The following TNRC6B variants were observed in gnomAD, a reference collection of about 807,000 sequenced individuals.
TNRC6B encodes the protein trinucleotide repeat-containing gene 6B protein.
TNRC6B carries 52 observed loss-of-function variants against 203.6 expected under a neutral mutation model. That is an observed-to-expected ratio of 0.26 (90% CI 0.20 to 0.32). The LOEUF (loss-of-function observed/expected upper bound fraction) is 0.32, where lower values mean the gene tolerates loss of function less well. Among genes scored for constraint, TNRC6B ranks in the 10% least tolerant of loss-of-function variants. The pLI, the probability that TNRC6B is intolerant of heterozygous loss-of-function variation, is 1.00. For synonymous variants in TNRC6B, 838 were observed against 845.7 expected (o/e 0.99, Z 0.16); for missense variants, 1,923 against 2,286.2 (o/e 0.84, Z 3.24).
intron 3 of TNRC6B, among the ~76,000 whole-genome samples, chr22:40,126,834 A>G (rs2068498298): frequency 6.7e-6 from 1 of 150,230 alleles, no homozygotes; most frequent in Non-Finnish European, 1.5e-5. Flanking sequence ...CAAGCACTCC[A>G]CCCACCTAGG....
chr22:40,175,348 C>A (rs2069045401), upstream of TNRC6B, among the ~76,000 whole-genome samples: 1 of 151,992 alleles, frequency 6.6e-6, no homozygotes, highest in Admixed American at 6.6e-5. Flanking sequence ...CAGAGCAAGA[C>A]TCTGTCTCAA....
chr22:40,078,483 C>T (rs1225141879), intron 1 of TNRC6B, among the ~76,000 whole-genome samples: 1 of 152,080 alleles, frequency 6.6e-6, no homozygotes, highest in African/African-American at 2.4e-5. Context: ...CTGATTGTTC[C>T]ATTGCACTCC....
chr22:40,247,534 A>G (rs1040146241), intron 2 of TNRC6B, among the ~76,000 whole-genome samples: 1 of 152,248 alleles, frequency 6.6e-6, no homozygotes, highest in Non-Finnish European at 1.5e-5. Flanking sequence ...TGTTAAATAT[A>G]TGAAATGTAA....
chr22:40,129,487 G>A (rs1348733909), intron 3 of TNRC6B, among the ~76,000 whole-genome samples: 1 of 152,102 alleles, frequency 6.6e-6, no homozygotes, highest in Non-Finnish European at 1.5e-5. Flanking sequence ...GTATTTTGGC[G>A]CCAAAACTGA....
At chr22:40,257,919 C>A (rs547509315) in intron 3 of TNRC6B, among the ~76,000 whole-genome samples, 26 of 152,020 alleles carry the variant, frequency 1.7e-4, no homozygotes, top group African/African-American at 5.1e-4. Context: ...GAGGCTGAGG[C>A]AGGAGAATCA....
At chr22:40,116,544 C>T (rs757406377) in intron 1 of TNRC6B, among the ~76,000 whole-genome samples, 81 of 152,038 alleles carry the variant, frequency 5.3e-4, no homozygotes, top group Non-Finnish European at 9.0e-4. Context: ...TGGGGAGGAG[C>T]AAGAGTAGGA....
chr22:40,098,559 T>A (rs2068206000), intron 1 of TNRC6B, among the ~76,000 whole-genome samples: 1 of 152,174 alleles, frequency 6.6e-6, no homozygotes, highest in African/African-American at 2.4e-5. Context: ...ATCAAAATTG[T>A]TCTAAGTCAT....
chr22:40,226,066 T>C (rs898545741), intron 1 of TNRC6B, among the ~76,000 whole-genome samples: 1 of 152,244 alleles, frequency 6.6e-6, no homozygotes, highest in African/African-American at 2.4e-5. Flanking sequence ...AATTGGGTCA[T>C]GTAAGTTCAC....
intron 2 of TNRC6B, among the ~76,000 whole-genome samples, chr22:40,122,703 A>G (rs1223281308): frequency 6.6e-6 from 1 of 152,220 alleles, no homozygotes; most frequent in African/African-American, 2.4e-5. Flanking sequence ...CAGCATGTCC[A>G]AAGGGAAATG....
intron 1 of TNRC6B, among the ~76,000 whole-genome samples, chr22:40,096,447 T>C (rs1449856933): frequency 6.6e-6 from 1 of 152,204 alleles, no homozygotes; most frequent in Non-Finnish European, 1.5e-5. Context: ...AAACTTGCAC[T>C]AGCATACAGG....
intron 1 of TNRC6B, among the ~76,000 whole-genome samples, chr22:40,060,373 T>G (rs1448082521): frequency 6.6e-6 from 1 of 152,120 alleles, no homozygotes; most frequent in Non-Finnish European, 1.5e-5. Flanking sequence ...GCGACAGGGT[T>G]TCGCCATGTT....
chr22:40,160,629 G>A (rs753573671), intron 4 of TNRC6B, among the ~76,000 whole-genome samples: 2 of 152,078 alleles, frequency 1.3e-5, no homozygotes, highest in Non-Finnish European at 2.9e-5. Context: ...TACCTGCAGC[G>A]AGGTAAGTCA....
intron 12 of TNRC6B, among the ~76,000 whole-genome samples, chr22:40,291,344 C>T (rs532205529): frequency 5.3e-5 from 8 of 151,938 alleles, no homozygotes; most frequent in South Asian, 4.2e-4. Flanking sequence ...ATGGTGACAC[C>T]GCTGCAATCC....
intron 1 of TNRC6B, among the ~76,000 whole-genome samples, chr22:40,084,675 G>T (rs962373650): frequency 1.3e-5 from 2 of 152,158 alleles, no homozygotes; most frequent in African/African-American, 2.4e-5. Flanking sequence ...TGAGGGAGCA[G>T]TTAATATAAA....
intron 1 of TNRC6B, among the ~76,000 whole-genome samples, chr22:40,239,567 A>C (rs1231987998): frequency 6.6e-6 from 1 of 152,158 alleles, no homozygotes; most frequent in Non-Finnish European, 1.5e-5. Flanking sequence ...GGCATTAAAG[A>C]GGATGGTTTT....
intron 1 of TNRC6B, among the ~76,000 whole-genome samples, chr22:40,194,260 G>A (rs757015346): frequency 3.9e-5 from 6 of 152,224 alleles, no homozygotes; most frequent in Non-Finnish European, 8.8e-5. Flanking sequence ...CCCGGGCAGA[G>A]CATTCCTGTG....
At chr22:40,175,296 C>G (rs1479899483), upstream of TNRC6B, among the ~76,000 whole-genome samples, 1 of 151,608 alleles carries the variant, frequency 6.6e-6, no homozygotes, top group East Asian at 1.9e-4. Flanking sequence ...GGTGGAGGTT[C>G]CTGTGAGCCG....
At position 40,299,227 on chromosome 22, in the gene TNRC6B, C is replaced by T. The variant is rs191200912; in HGVS notation, c.3709-1228C>T. 2.0e-5 allele frequency among the ~76,000 whole-genome samples: 3 copies of T among 149,032 alleles called. No individual in the cohort carries two copies. The East Asian group carries it at 5.9e-4, about 29-fold the overall frequency. On this transcript the variant is annotated intron_variant, in intron 12 of 22. Transcript: ENST00000454349. ...GATTACAAACCCAGGCAGTCTGCCT[C>T]TAGAACTAAAGTCTTTTTTTTTTTT...
Position 40,296,300 on chromosome 22 carries a change from C to T in TNRC6B, c.3709-4155C>T, listed in dbSNP as rs2070939166. ...GAAATGGGAAAGAAGCACCCCTCCA[C>T]TATAAGAAATTGAGGAGAATGGTGA... is the stretch of plus-strand genomic sequence containing the variant. On this transcript the variant is annotated intron_variant, in intron 12 of 22. Coordinates refer to ENST00000454349, the MANE Select transcript of TNRC6B (RefSeq NM_001162501.2). Among the ~76,000 whole-genome samples, 3 of 149,826 alleles carry T rather than the reference C, an allele frequency of 2.0e-5. No individual in the cohort carries two copies. The South Asian group carries it at 6.4e-4, about 32-fold the overall frequency.
Sources: gnomAD v4.1 joint callset for allele counts (sites outside exome capture counted in the v4.1 genomes callset) on GRCh38, gnomAD v4.1.1 for gene constraint, MANE v1.5 for transcripts, NCBI Gene and HGNC (gene_info 2026-07-23, HGNC 2026-07-21) for gene names.